KDM4C: variants seen among roughly 807,000 people sequenced by gnomAD.
KDM4C encodes lysine demethylase 4C.
KDM4C carries 81 observed loss-of-function variants against 129.3 expected under a neutral mutation model. The observed-to-expected ratio is 0.63, with a 90% CI of 0.52 to 0.75. KDM4C has a LOEUF of 0.75. KDM4C is among the 30% of genes least tolerant of loss of function. The probability of loss-of-function intolerance (pLI) is 0.00; values close to 1 mark genes in which losing one functional copy is unlikely to be tolerated. For missense variants in KDM4C, 1,457 were observed against 1,304.0 expected (o/e 1.12, Z -1.81); for synonymous variants, 573 against 456.1 (o/e 1.26, Z -3.26).
chr9:6,986,819 G>A, intron 11 of KDM4C, 153 bp downstream of exon 11: 1 of 580,586 alleles, frequency 1.7e-6, no homozygotes. Context: ...ATAACTGGGA[G>A]GTAAGCCTCC....
chr9:6,772,803 C>T (rs1363669314), intron 1 of KDM4C, among the ~76,000 whole-genome samples: 2 of 151,198 alleles, frequency 1.3e-5, no homozygotes, highest in African/African-American at 4.9e-5. Context: ...AGCAGTTCTC[C>T]TGCCTCAGCC....
intron 17 of KDM4C, among the ~76,000 whole-genome samples, chr9:7,095,151 A>G (rs779328736): frequency 3.3e-5 from 5 of 152,224 alleles, no homozygotes; most frequent in Admixed American, 6.5e-5. Flanking sequence ...CACTTGTGGG[A>G]CACAATTTCT....
At chr9:6,774,396 G>A (rs1447381915) in intron 1 of KDM4C, among the ~76,000 whole-genome samples, 2 of 152,140 alleles carry the variant, frequency 1.3e-5, no homozygotes, top group African/African-American at 4.8e-5. Flanking sequence ...TGGGCGTGGT[G>A]GCTCATGCCT....
intron 4 of KDM4C, among the ~76,000 whole-genome samples, chr9:6,833,985 C>G (rs2131343172): frequency 6.6e-6 from 1 of 150,476 alleles, no homozygotes; most frequent in Non-Finnish European, 1.5e-5. Context: ...CAGTAAGATC[C>G]TGCCGTGTGT....
intron 1 of KDM4C, among the ~76,000 whole-genome samples, chr9:6,764,667 ACTG>A (rs1820254922): frequency 6.6e-6 from 1 of 152,206 alleles, no homozygotes; most frequent in South Asian, 2.1e-4. Flanking sequence ...GTATTTATGA[ACTG>A]CTACTGCATA....
intron 12 of KDM4C, among the ~76,000 whole-genome samples, chr9:6,999,842 C>T (rs907784891): frequency 2.0e-5 from 3 of 152,126 alleles, no homozygotes; most frequent in African/African-American, 7.2e-5. Flanking sequence ...AAAATAAATG[C>T]TGTGTGATGG....
chr9:7,148,202 G>A (rs867583847), intron 19 of KDM4C, among the ~76,000 whole-genome samples: 3 of 152,244 alleles, frequency 2.0e-5, no homozygotes, highest in Non-Finnish European at 2.9e-5. Flanking sequence ...GCTTGGAGAC[G>A]CCAGGAAGTG....
At chr9:6,757,681 G>C (rs925874868), upstream of KDM4C, 13 of 985,374 alleles carry the variant, frequency 1.3e-5, no homozygotes, top group African/African-American at 1.7e-5. Context: ...CGTGTGGCGC[G>C]TGGACTACAT....
chr9:6,819,878 A>G (rs1270037152), intron 4 of KDM4C, among the ~76,000 whole-genome samples: 1 of 152,202 alleles, frequency 6.6e-6, no homozygotes, highest in Non-Finnish European at 1.5e-5. Flanking sequence ...AAATTGTACC[A>G]AGAACTGGTT....
At chr9:6,994,250 G>A (rs938098487) in intron 12 of KDM4C, among the ~76,000 whole-genome samples, 17 of 152,180 alleles carry the variant, frequency 1.1e-4, no homozygotes. Flanking sequence ...AACAGGCCAC[G>A]GACTGGTACT....
At chr9:6,965,519 A>G (rs952263636) in intron 8 of KDM4C, among the ~76,000 whole-genome samples, 4 of 152,208 alleles carry the variant, frequency 2.6e-5, no homozygotes, top group African/African-American at 9.6e-5. Context: ...ATATGTCAGC[A>G]TACTTAATTA....
At chr9:6,831,097 GTTA>G (rs1834732903) in intron 4 of KDM4C, among the ~76,000 whole-genome samples, 1 of 152,172 alleles carries the variant, frequency 6.6e-6, no homozygotes, top group South Asian at 2.1e-4. Flanking sequence ...CATAGACTCT[GTTA>G]TTTTTTTTCT....
intron 1 of KDM4C, among the ~76,000 whole-genome samples, chr9:6,728,263 T>C (rs62566463): frequency 0.086 from 13,089 of 152,046 alleles, 733 homozygotes; most frequent in Non-Finnish European, 0.12. Flanking sequence ...TGGCCGGATG[T>C]GGTGGCTCAC....
chr9:7,059,172 C>G (rs1161887501), intron 17 of KDM4C, among the ~76,000 whole-genome samples: 1 of 152,104 alleles, frequency 6.6e-6, no homozygotes, highest in African/African-American at 2.4e-5. Context: ...GTTTTTGGAG[C>G]AGGGTCTTGC....
rs115548486 is a variant in KDM4C, at chr9:6,849,034, A to G, written c.436-473A>G. Among the ~76,000 whole-genome samples the G allele has an allele frequency of 6.8e-3, 1,037 of 152,318 alleles. 16 individuals carry two copies. Among genetic ancestry groups the G allele is most frequent in the African/African-American group, 0.024 (978 of 41,550 alleles). On this transcript the variant is annotated intron_variant, in intron 4 of 21. Transcript: ENST00000381309. ...AGGGATGGGAGAGAGATAGCAGAAG[A>G]TATATTTTGCTGTTGGTTTCTTGAT...
At position 6,953,272 on chromosome 9, in the gene KDM4C, A is replaced by G. The variant is rs527851102; in HGVS notation, c.922-27653A>G. ...GAAATATAGAGTGGTCTGTGTATTT[A>G]ATCACCAGCTTATTCAGCAGTTTTG... On this transcript the variant is annotated intron_variant, in intron 8 of 21. Transcript: ENST00000381309. 2.6e-5 allele frequency among the ~76,000 whole-genome samples: 4 copies of G among 152,346 alleles called. No individual in the cohort carries two copies. The East Asian group carries it at 7.7e-4, about 29-fold the overall frequency.
chr9:7,170,020 T>G (rs1375883980), intron 21 of KDM4C, 130 bp downstream of exon 21: 2 of 1,547,946 alleles, frequency 1.3e-6, no homozygotes, highest in African/African-American at 1.4e-5. Context: ...ATGCAACATT[T>G]TCCTTAGTGG....
In KDM4C at chr9:6,986,663, C is replaced by T. The variant is rs1299337764; in HGVS notation, c.1674C>T (p.Pro558=). Residue 558 remains proline (P), a synonymous_variant, in exon 11 of 22, where the codon CCC becomes CCT. Coordinates refer to ENST00000381309, the MANE Select transcript of KDM4C (RefSeq NM_015061.6). The part of the protein sequence containing the change: ...PSGERNSFKV[P]SIAEGENKTS... The stretch of plus-strand genomic sequence containing the variant: ...GAGAGAGAAATAGCTTCAAAGTCCC[C>T]AGTGTATGTGGCAATATCCATTTTT... The T allele has an allele frequency of 6.2e-7, 1 of 1,600,410 alleles. No individual in the cohort carries two copies. The highest frequency in any genetic ancestry group is 8.5e-7 in the Non-Finnish European group (1 of 1,170,888).
At chr9:6,946,839 A>G (rs1427332561) in intron 8 of KDM4C, among the ~76,000 whole-genome samples, 2 of 151,756 alleles carry the variant, frequency 1.3e-5, no homozygotes, top group Non-Finnish European at 3.0e-5. Flanking sequence ...ATTCTAAAAC[A>G]TTATTTTTTG....
Sources: gnomAD v4.1 joint callset for allele counts (sites outside exome capture counted in the v4.1 genomes callset) on GRCh38, gnomAD v4.1.1 for gene constraint, MANE v1.5 for transcripts, NCBI Gene and HGNC (gene_info 2026-07-23, HGNC 2026-07-21) for gene names.